ADCY7: variants seen among roughly 807,000 people sequenced by gnomAD.
The protein encoded by ADCY7 is adenylate cyclase type 7.
A neutral mutation model predicts 120.6 loss-of-function variants in ADCY7; 72 were observed. The ratio of observed to expected loss-of-function variants is 0.60; its 90% CI spans 0.49 to 0.73. The LOEUF is 0.73. Among genes scored for constraint, ADCY7 ranks in the 30% least tolerant of loss-of-function variants. The probability of loss-of-function intolerance (pLI) is 0.00; values close to 1 mark genes in which losing one functional copy is unlikely to be tolerated. For missense variants in ADCY7, 1,227 were observed against 1,486.0 expected (o/e 0.83, Z 2.87); for synonymous variants, 661 against 628.0 (o/e 1.05, Z -0.78).
At chr16:50,275,037 C>T (rs1006368309) in intron 1 of ADCY7, among the ~76,000 whole-genome samples, 9 of 152,164 alleles carry the variant, frequency 5.9e-5, no homozygotes, top group Admixed American at 2.6e-4. Flanking sequence ...GCAGGAAATT[C>T]GACAGGAGCC....
At chr16:50,294,545 C>G (rs1596921887) in intron 6 of ADCY7, 95 bp from the exon 7 acceptor site, 1 of 806,736 alleles carries the variant, frequency 1.2e-6, no homozygotes. Context: ...TCAGGCCTGG[C>G]AGGCTCCTGG....
At chr16:50,249,451 C>CAAA (rs2032687741) in intron 1 of ADCY7, among the ~76,000 whole-genome samples, 1 of 151,692 alleles carries the variant, frequency 6.6e-6, no homozygotes, top group Admixed American at 6.6e-5. Context: ...TCTAAAACAA[C>CAAA]AACAACAACA....
chr16:50,299,261 G>A lies in ADCY7; in HGVS notation c.1076+230G>A, dbSNP rs563945274. Among the ~76,000 whole-genome samples the A allele has an allele frequency of 4.6e-5, 7 of 152,336 alleles. No homozygotes were observed. The South Asian group carries it at 8.3e-4, about 18-fold the overall frequency. On this transcript the variant is annotated intron_variant, in intron 8 of 25. Transcript: ENST00000673801. ...ACTCTGAGTCCCAGAAAGCATCTCC[G>A]GAGCTCAGAGCTGGGTGATGTGAGG...
Position 50,307,113 on chromosome 16 carries a change from T to C in ADCY7, c.1816T>C (p.Cys606Arg). 6.2e-7 allele frequency: 1 copy of C among 1,612,190 alleles called. No individual in the cohort carries two copies. The change falls in exon 15 of 26, where the codon TGC becomes CGC. Residue 606 changes from cysteine (C) to arginine (R), a missense_variant. Transcript: ENST00000673801. ...TGCCTGCGCCAGCCTGATCTTCGTC[T>C]GCATCCTGCTCGTCCATGTCCTGCT... ...DFACASLIFV[C>R]ILLVHVLLMP...
chr16:50,251,152 A>G (rs1265929005), intron 1 of ADCY7, among the ~76,000 whole-genome samples: 2 of 152,060 alleles, frequency 1.3e-5, no homozygotes, highest in East Asian at 3.9e-4. Flanking sequence ...AGGCAGGAGG[A>G]TCACTTGAGC....
intron 1 of ADCY7, among the ~76,000 whole-genome samples, chr16:50,269,038 C>T (rs780058900): frequency 2.0e-5 from 3 of 152,172 alleles, no homozygotes; most frequent in African/African-American, 4.8e-5. Flanking sequence ...GAGACCCTGT[C>T]TCAAAATAAA....
intron 19 of ADCY7, 49 bp from the exon 20 acceptor site, chr16:50,311,644 G>A (rs895616187): frequency 1.5e-6 from 2 of 1,337,956 alleles, no homozygotes; most frequent in Non-Finnish European, 2.2e-6. Flanking sequence ...GACTCAGTGG[G>A]TTGGAGTGGT....
chr16:50,288,149 C>T lies in ADCY7; in HGVS notation c.-31C>T, dbSNP rs745977969. On this transcript the variant is annotated 5_prime_UTR_variant, in exon 2 of 26. Transcript: ENST00000673801. ...CAGGCCCTGGGGCCTCCTTAACGGC[C>T]CCTTAACGACACGCGTGCCAAGGGT... The T allele has an allele frequency of 6.6e-7, 1 of 1,525,874 alleles. No individual in the cohort carries two copies. Among genetic ancestry groups the T allele is most frequent in the East Asian group, 2.5e-5 (1 of 40,474 alleles). The allele number at this position is 1,525,874 out of a possible 1,614,324, so 94.5% of individuals were successfully genotyped here. A position where few individuals can be genotyped will look rare whatever the true frequency, so the allele number is the denominator to read the frequency against.
At position 50,290,641 on chromosome 16, in the gene ADCY7, C is replaced by T. The variant is rs141480564; in HGVS notation, c.356C>T (p.Ala119Val). The change falls in exon 3 of 26, where the codon GCG becomes GTG. Residue 119 changes from alanine (A) to valine (V), a missense_variant. This residue lies in a region of ADCY7 where 382 missense variants were observed against 411.4 expected (regional missense o/e 0.93). Coordinates refer to ENST00000673801, the MANE Select transcript of ADCY7 (RefSeq NM_001114.5). ...CTGGTGTTCGACGCATGGACAAAGG[C>T]GGCCTGTGCGTGGGAGCAGGTAACA... is the stretch of plus-strand genomic sequence containing the variant. ...YVLVFDAWTK[A>V]ACAWEQVPFF... 4.4e-5 allele frequency: 71 copies of T among 1,613,706 alleles called. No homozygotes were observed. Among genetic ancestry groups the T allele is most frequent in the Middle Eastern group, 3.3e-4 (2 of 6,042 alleles).
At chr16:50,307,624 TCAG>T (rs1305708993) in intron 15 of ADCY7, among the ~76,000 whole-genome samples, 1 of 152,092 alleles carries the variant, frequency 6.6e-6, no homozygotes, top group East Asian at 1.9e-4. Context: ...GGATCTAAGG[TCAG>T]CTACTTGGTG....
intron 1 of ADCY7, among the ~76,000 whole-genome samples, chr16:50,276,613 T>C (rs778143930): frequency 2.0e-5 from 3 of 152,158 alleles, no homozygotes; most frequent in African/African-American, 4.8e-5. Flanking sequence ...TATGAATGAG[T>C]GAGATGGAGT....
chr16:50,245,283 TA>T (rs2032545217), upstream of ADCY7, among the ~76,000 whole-genome samples: 2 of 152,290 alleles, frequency 1.3e-5, no homozygotes, highest in South Asian at 4.1e-4. Context: ...GAAATCGGCA[TA>T]ACAGGTGCTT....
intron 25 of ADCY7, 43 bp downstream of exon 25, chr16:50,315,181 CT>C: frequency 6.2e-7 from 1 of 1,609,714 alleles, no homozygotes; most frequent in Non-Finnish European, 8.5e-7. Context: ...GGGAAAAGAT[CT>C]TCCCCAGAGG....
chr16:50,308,166 G>T (rs527516353), intron 15 of ADCY7, among the ~76,000 whole-genome samples, 161 bp from the exon 16 acceptor site: 6 of 152,052 alleles, frequency 3.9e-5, no homozygotes, highest in African/African-American at 1.4e-4. Flanking sequence ...CCTGTGTATT[G>T]CCCATGGGGC....
chr16:50,289,122 C>A (rs2034772052), intron 2 of ADCY7: 5 of 274,228 alleles, frequency 1.8e-5, no homozygotes, highest in South Asian at 1.4e-4. Flanking sequence ...TTCCTGTACC[C>A]ATGCAGACAT....
In ADCY7 at chr16:50,293,387, A is replaced by ATCTC; in HGVS notation, c.722_725dup (p.Met243LeufsTer17). 1 of 1,613,790 alleles carries ATCTC rather than the reference A, an allele frequency of 6.2e-7. No homozygotes were observed. Among genetic ancestry groups the ATCTC allele is most frequent in the Non-Finnish European group, 8.5e-7 (1 of 1,179,870 alleles). On this transcript the variant is annotated frameshift_variant, in exon 6 of 26. Coordinates refer to ENST00000673801, the MANE Select transcript of ADCY7 (RefSeq NM_001114.5). LOFTEE classifies it high-confidence loss of function. ...GCTGCTGTCAGTGCTTCCGGCCCAC[A>ATCTC]TCTCCATGGGCATGAAGCTGGCCAT...
intron 17 of ADCY7, 120 bp downstream of exon 17, chr16:50,308,912 G>A (rs190545036): frequency 2.3e-6 from 3 of 1,290,192 alleles, no homozygotes; most frequent in South Asian, 1.6e-5. Context: ...CTCAGCAGGT[G>A]GATGTGGGGG....
chr16:50,281,230 C>G (rs1232887682), intron 1 of ADCY7, among the ~76,000 whole-genome samples: 1 of 152,212 alleles, frequency 6.6e-6, no homozygotes, highest in Non-Finnish European at 1.5e-5. Context: ...TGCAGACAAC[C>G]TGGTTATCAG....
At chr16:50,269,231 T>C (rs2033405629) in intron 1 of ADCY7, among the ~76,000 whole-genome samples, 1 of 152,168 alleles carries the variant, frequency 6.6e-6, no homozygotes, top group South Asian at 2.1e-4. Flanking sequence ...CTATCCTGAA[T>C]AACCCAGCAG....
Sources: gnomAD v4.1 joint callset for allele counts (sites outside exome capture counted in the v4.1 genomes callset) on GRCh38, gnomAD v4.1.1 for gene constraint, gnomAD v4.1.1 regional missense constraint, MANE v1.5 for transcripts, NCBI Gene and HGNC (gene_info 2026-07-23, HGNC 2026-07-21) for gene names.